The following CMIP variants were observed in gnomAD, a reference collection of about 807,000 sequenced individuals.
CMIP encodes c-Maf inducing protein.
In CMIP, 13 loss-of-function variants were observed where a neutral mutation model predicts 97.3. The observed-to-expected ratio is 0.13, with a 90% CI of 0.09 to 0.21. The LOEUF is 0.21. CMIP is among the 10% of genes least tolerant of loss of function. The pLI, the probability that CMIP is intolerant of heterozygous loss-of-function variation, is 1.00. For missense variants in CMIP, 847 were observed against 1,024.9 expected, an observed-to-expected ratio of 0.83 and a Z score of 2.37; for synonymous variants, 538 against 436.3, an observed-to-expected ratio of 1.23 and a Z score of -2.91.
rs1456893924 is a variant in CMIP, at chr16:81,709,687, T to G, written c.2269-59T>G. On this transcript the variant is annotated intron_variant, in intron 20 of 20. Coordinates refer to ENST00000537098, the MANE Select transcript of CMIP (RefSeq NM_198390.3). ...CGGCAATGCGGGTGGAGCCAGGCAC[T>G]GGCAGCTTCTGCAAGGGAATGGCCT... The G allele has an allele frequency of 3.1e-6, 5 of 1,595,838 alleles. No individual in the cohort carries two copies. In the East Asian group the frequency reaches 1.1e-4, roughly 36 times the overall value.
At chr16:81,590,556 T>C (rs1481170181) in intron 1 of CMIP, among the ~76,000 whole-genome samples, 2 of 152,178 alleles carry the variant, frequency 1.3e-5, no homozygotes, top group Admixed American at 1.3e-4. Flanking sequence ...CTTTTAGGGA[T>C]GGGCCCAAGG....
At chr16:81,498,222 G>C (rs1410410263) in intron 1 of CMIP, among the ~76,000 whole-genome samples, 3 of 152,196 alleles carry the variant, frequency 2.0e-5, no homozygotes, top group African/African-American at 7.2e-5. Context: ...AGTCAAGAAG[G>C]TTCAATGAAA....
intron 1 of CMIP, among the ~76,000 whole-genome samples, chr16:81,516,842 A>G (rs2089923530): frequency 6.6e-6 from 1 of 152,254 alleles, no homozygotes; most frequent in Non-Finnish European, 1.5e-5. Flanking sequence ...GTCAGGTAGC[A>G]TAGTGAAAAA....
At chr16:81,546,812 G>T (rs1040967708) in intron 1 of CMIP, among the ~76,000 whole-genome samples, 3 of 152,150 alleles carry the variant, frequency 2.0e-5, no homozygotes, top group Non-Finnish European at 4.4e-5. Context: ...GCCATGTATG[G>T]CTATTTACAT....
chr16:81,705,027 C>G (rs1907972900), intron 18 of CMIP, among the ~76,000 whole-genome samples: 1 of 152,090 alleles, frequency 6.6e-6, no homozygotes, highest in African/African-American at 2.4e-5. Context: ...GTGAACTGCA[C>G]TGCTCAGTAC....
intron 1 of CMIP, among the ~76,000 whole-genome samples, chr16:81,536,690 A>G (rs1157759478): frequency 6.6e-6 from 1 of 152,088 alleles, no homozygotes. Flanking sequence ...CAACAGCACC[A>G]GCCTTTGTGG....
chr16:81,670,272 G>T, intron 8 of CMIP, 27 bp downstream of exon 8: 2 of 1,586,794 alleles, frequency 1.3e-6, no homozygotes, highest in Non-Finnish European at 1.7e-6. Flanking sequence ...ACGTCCCTCT[G>T]TGGCCTAGGA....
chr16:81,669,160 C>CA (rs2092649839), intron 7 of CMIP, among the ~76,000 whole-genome samples: 1 of 120,546 alleles, frequency 8.3e-6, no homozygotes, highest in East Asian at 3.0e-4. Context: ...CTTCCACACC[C>CA]CTCTCACCTC....
At chr16:81,509,556 G>A (rs2089772498) in intron 1 of CMIP, among the ~76,000 whole-genome samples, 1 of 152,052 alleles carries the variant, frequency 6.6e-6, no homozygotes, top group Non-Finnish European at 1.5e-5. Context: ...CAGGTACTCG[G>A]GGGTCATAGT....
In CMIP at chr16:81,652,453, G is replaced by C; in HGVS notation, c.639+89G>C. On this transcript the variant is annotated intron_variant, in intron 4 of 20. Coordinates refer to ENST00000537098, the MANE Select transcript of CMIP (RefSeq NM_198390.3). The surrounding 1 kb of genome is among the most constrained non-coding windows in gnomAD (Gnocchi z 5.2). ...ATGCCAAGCAGCAGGCGCAGGCAGAGCTCCGTGTGGGCTGTGTTGTTGCCC... is the reference window on the plus strand; with the variant it reads ...ATGCCAAGCAGCAGGCGCAGGCAGACCTCCGTGTGGGCTGTGTTGTTGCCC... The C allele has an allele frequency of 8.5e-7, 1 of 1,171,646 alleles. No homozygotes were observed. Among genetic ancestry groups the C allele is most frequent in the Non-Finnish European group, 1.2e-6 (1 of 813,114 alleles). The allele number at this position is 1,171,646 out of a possible 1,614,324, so 72.6% of individuals were successfully genotyped here.
chr16:81,495,746 C>T (rs1006678997), intron 1 of CMIP, among the ~76,000 whole-genome samples: 1 of 152,244 alleles, frequency 6.6e-6, no homozygotes, highest in East Asian at 1.9e-4. Context: ...TCACCTCCTC[C>T]TGGAAGCCCC....
At chr16:81,629,980 G>T (rs192551087) in intron 3 of CMIP, among the ~76,000 whole-genome samples, 77 of 152,326 alleles carry the variant, frequency 5.1e-4, no homozygotes, top group African/African-American at 1.8e-3. Flanking sequence ...GGTATTTTTA[G>T]GTGGCTCTCA....
intron 1 of CMIP, among the ~76,000 whole-genome samples, chr16:81,547,377 C>G (rs948871556): frequency 6.6e-6 from 1 of 152,080 alleles, no homozygotes; most frequent in African/African-American, 2.4e-5. Context: ...GCAGAAAGAC[C>G]CCCGCTCCAG....
intron 1 of CMIP, among the ~76,000 whole-genome samples, chr16:81,598,029 C>T (rs893483920): frequency 2.0e-5 from 3 of 152,108 alleles, no homozygotes; most frequent in African/African-American, 4.8e-5. Flanking sequence ...AGGATCAGGA[C>T]ATAACTGTTC....
At chr16:81,571,188 C>G (rs527781129) in intron 1 of CMIP, among the ~76,000 whole-genome samples, 82 of 152,176 alleles carry the variant, frequency 5.4e-4, no homozygotes, top group African/African-American at 1.9e-3. Flanking sequence ...GAAAAAAAGA[C>G]AGGCGGGTGC....
At chr16:81,460,402 T>A (rs1906832975) in intron 1 of CMIP, among the ~76,000 whole-genome samples, 1 of 152,164 alleles carries the variant, frequency 6.6e-6, no homozygotes, top group African/African-American at 2.4e-5. Context: ...CTGTAACTGC[T>A]CCTTCCCCTG....
intron 1 of CMIP, among the ~76,000 whole-genome samples, chr16:81,576,434 A>C (rs148050737): frequency 6.6e-6 from 1 of 152,160 alleles, no homozygotes; most frequent in Non-Finnish European, 1.5e-5. Context: ...CAAACAAACA[A>C]AAAACAGAAA....
At chr16:81,653,698 C>T (rs899347306) in intron 4 of CMIP, among the ~76,000 whole-genome samples, 4 of 152,186 alleles carry the variant, frequency 2.6e-5, no homozygotes, top group Non-Finnish European at 4.4e-5. Context: ...CTGCAACCTC[C>T]GCCTCCTGGG....
chr16:81,647,337 T>A (rs1470680264), intron 3 of CMIP, among the ~76,000 whole-genome samples: 2 of 152,312 alleles, frequency 1.3e-5, no homozygotes, highest in Middle Eastern at 3.4e-3. Context: ...CACATTGGAT[T>A]TCTGTTGCAT....
Sources: allele counts gnomAD v4.1 joint callset (sites outside exome capture counted in the v4.1 genomes callset), GRCh38; gene constraint gnomAD v4.1.1; non-coding constraint Gnocchi (gnomAD v3.1); transcripts MANE v1.5; gene names NCBI Gene and HGNC (gene_info 2026-07-23, HGNC 2026-07-21).